The following ITPR2 variants were observed in gnomAD, a reference collection of about 807,000 sequenced individuals.
The protein encoded by ITPR2 is inositol 1,4,5-trisphosphate-gated calcium channel ITPR2.
A neutral mutation model predicts 317.1 loss-of-function variants in ITPR2; 207 were observed. The ratio of observed to expected loss-of-function variants is 0.65; its 90% CI spans 0.58 to 0.73. The LOEUF (loss-of-function observed/expected upper bound fraction) is 0.73. ITPR2 is among the 30% of genes least tolerant of loss of function. The pLI is 0.00. For synonymous variants in ITPR2, 1,156 were observed against 1,149.1 expected, an observed-to-expected ratio of 1.01 and a Z score of -0.12; for missense variants, 2,613 against 3,284.0, an observed-to-expected ratio of 0.80 and a Z score of 4.99.
chr12:26,590,710 G>A (rs1323519999), intron 32 of ITPR2, among the ~76,000 whole-genome samples: 2 of 152,054 alleles, frequency 1.3e-5, no homozygotes, highest in Non-Finnish European at 2.9e-5. Context: ...CATTGGTCTG[G>A]GCAAAAATTT....
chr12:26,529,056 A>T (rs1476708735), intron 37 of ITPR2, among the ~76,000 whole-genome samples: 9 of 152,162 alleles, frequency 5.9e-5, no homozygotes, highest in Admixed American at 5.9e-4. Flanking sequence ...CTAAGCCTCC[A>T]TCATGTCTCA....
In ITPR2 at chr12:26,704,165, T is replaced by C. The variant is rs147867904; in HGVS notation, c.951+7008A>G. 9.2e-4 allele frequency among the ~76,000 whole-genome samples: 140 copies of C among 151,884 alleles called. 2 individuals are homozygous for C. Among genetic ancestry groups the C allele is most frequent in the African/African-American group, 3.3e-3 (137 of 41,152 alleles). On this transcript the variant is annotated intron_variant, in intron 9 of 56. Coordinates refer to ENST00000381340, the MANE Select transcript of ITPR2 (RefSeq NM_002223.4). ...ATAGCGTGAGTTAAACTCAAATGTA[T>C]AGACCATAAAAAAACTATTTCAAGT...
intron 47 of ITPR2, among the ~76,000 whole-genome samples, chr12:26,438,519 T>C (rs1941412868): frequency 6.6e-6 from 1 of 152,156 alleles, no homozygotes; most frequent in African/African-American, 2.4e-5. Flanking sequence ...ATTCTAAAAT[T>C]TTAAATTTTA....
intron 37 of ITPR2, among the ~76,000 whole-genome samples, chr12:26,525,655 C>T (rs1433078452): frequency 6.6e-6 from 1 of 152,194 alleles, no homozygotes; most frequent in Non-Finnish European, 1.5e-5. Context: ...TAGGATTGCT[C>T]TCAATAAGAA....
chr12:26,466,212 CA>C lies in ITPR2; in HGVS notation c.6342+9083del, dbSNP rs370257862. ...AGTGTTGATCATTGTCCCTGAGGAC[CA>C]AAAAACAGCTATGTGCATTATTTCA... On this transcript the variant is annotated intron_variant, in intron 45 of 56. Transcript: ENST00000381340. Among the ~76,000 whole-genome samples the C allele has an allele frequency of 3.4e-3, 524 of 152,180 alleles. 4 individuals carry two copies. The highest frequency in any genetic ancestry group is 0.012 in the African/African-American group (504 of 41,538).
chr12:26,512,184 TAAAAAA>T (rs55699727), intron 37 of ITPR2, among the ~76,000 whole-genome samples: 46 of 136,222 alleles, frequency 3.4e-4, no homozygotes, highest in Admixed American at 8.7e-4. Context: ...GCTACAAAGA[TAAAAAA>T]AAAAAAAAAA....
intron 45 of ITPR2, among the ~76,000 whole-genome samples, chr12:26,471,871 T>C (rs1942298209): frequency 6.6e-6 from 1 of 152,240 alleles, no homozygotes; most frequent in Non-Finnish European, 1.5e-5. Context: ...ACCAAATTCC[T>C]ATAGCACAGC....
intron 1 of ITPR2, among the ~76,000 whole-genome samples, chr12:26,807,388 C>T (rs1234250620): frequency 6.6e-6 from 1 of 152,160 alleles, no homozygotes; most frequent in Non-Finnish European, 1.5e-5. Context: ...TCCTTTCCCA[C>T]CCAGAATCAA....
At chr12:26,677,338 G>C (rs940660590) in intron 13 of ITPR2, among the ~76,000 whole-genome samples, 1 of 152,146 alleles carries the variant, frequency 6.6e-6, no homozygotes, top group South Asian at 2.1e-4. Flanking sequence ...GGTGGCTCAC[G>C]TCTGTAATCT....
In ITPR2 at chr12:26,747,868, C is replaced by T. The variant is rs151287292; in HGVS notation, c.164-22103G>A. ...TTAACCTTTTTTCATTATTCTCCAA[C>T]AGATTTCTATTTGAGACAAAATTCG... On this transcript the variant is annotated intron_variant, in intron 2 of 56. Transcript: ENST00000381340. Among the ~76,000 whole-genome samples the T allele has an allele frequency of 3.3e-3, 510 of 152,312 alleles. 2 individuals are homozygous for T. The highest frequency in any genetic ancestry group is 0.012 in the African/African-American group (495 of 41,580).
intron 55 of ITPR2, among the ~76,000 whole-genome samples, chr12:26,355,333 G>A (rs1938603293): frequency 2.0e-5 from 3 of 152,192 alleles, no homozygotes; most frequent in African/African-American, 4.8e-5. Context: ...AAGGACATTA[G>A]GTGAAAGACT....
At chr12:26,636,736 G>A (rs1391462382) in intron 21 of ITPR2, among the ~76,000 whole-genome samples, 1 of 152,078 alleles carries the variant, frequency 6.6e-6, no homozygotes, top group Non-Finnish European at 1.5e-5. Context: ...GTCTTTATCA[G>A]GGGCTTATCA....
At chr12:26,496,473 A>G (rs1193683530) in intron 37 of ITPR2, among the ~76,000 whole-genome samples, 3 of 152,070 alleles carry the variant, frequency 2.0e-5, no homozygotes, top group Non-Finnish European at 4.4e-5. Flanking sequence ...TAGTTGCACA[A>G]TCACTTCTGC....
chr12:26,512,409 G>A (rs1246368811), intron 37 of ITPR2, among the ~76,000 whole-genome samples: 2 of 152,086 alleles, frequency 1.3e-5, no homozygotes, highest in African/African-American at 4.8e-5. Flanking sequence ...CTGCCCTATT[G>A]CTTATGTAAA....
chr12:26,584,589 G>T (rs183898688), intron 32 of ITPR2, among the ~76,000 whole-genome samples: 14 of 152,274 alleles, frequency 9.2e-5, no homozygotes, highest in Non-Finnish European at 2.9e-5. Context: ...GAGCAGCACG[G>T]TCCTACAGAA....
At chr12:26,430,202 T>C (rs1941168644) in intron 48 of ITPR2, among the ~76,000 whole-genome samples, 2 of 152,232 alleles carry the variant, frequency 1.3e-5, no homozygotes, top group South Asian at 4.1e-4. Context: ...AGAATGATCA[T>C]ATTGGTTTCT....
intron 2 of ITPR2, among the ~76,000 whole-genome samples, chr12:26,789,568 T>TAAA (rs1950309877): frequency 6.6e-6 from 1 of 152,258 alleles, no homozygotes; most frequent in South Asian, 2.1e-4. Context: ...TGACTAGTTT[T>TAAA]AGCTTTCTGT....
chr12:26,600,433 A>G (rs1263890727), intron 28 of ITPR2, among the ~76,000 whole-genome samples: 1 of 151,392 alleles, frequency 6.6e-6, no homozygotes, highest in Non-Finnish European at 1.5e-5. Context: ...GTACATAGCC[A>G]CCTTTTCCTC....
intron 28 of ITPR2, among the ~76,000 whole-genome samples, chr12:26,601,672 A>G (rs2136744612): frequency 6.6e-6 from 1 of 152,352 alleles, no homozygotes; most frequent in Non-Finnish European, 1.5e-5. Context: ...CAATAAATGA[A>G]TAAGTTGAAA....
Sources: gnomAD v4.1 joint callset for allele counts (sites outside exome capture counted in the v4.1 genomes callset) on GRCh38, gnomAD v4.1.1 for gene constraint, MANE v1.5 for transcripts, NCBI Gene and HGNC (gene_info 2026-07-23, HGNC 2026-07-21) for gene names.